FRMD4B: variants seen among roughly 807,000 people sequenced by gnomAD.
FRMD4B encodes the protein FERM domain-containing protein 4B.
FRMD4B carries 74 observed loss-of-function variants against 141.5 expected under a neutral mutation model. The ratio of observed to expected loss-of-function variants is 0.52; its 90% CI spans 0.43 to 0.63. The LOEUF is 0.63. Ranked by LOEUF, FRMD4B falls within the 30% of genes least tolerant of loss-of-function variation. The pLI is 0.00. For synonymous variants in FRMD4B, 506 were observed against 467.9 expected (o/e 1.08, Z -1.05); for missense variants, 1,366 against 1,253.4 (o/e 1.09, Z -1.36).
At chr3:69,421,514 A>G (rs1000797129) in intron 2 of FRMD4B, among the ~76,000 whole-genome samples, 4 of 152,288 alleles carry the variant, frequency 2.6e-5, no homozygotes, top group Admixed American at 1.3e-4. Context: ...GGAAGCCACA[A>G]TTCAGACTTT....
chr3:69,188,763 C>CAAAA lies in FRMD4B; in HGVS notation c.1772-850_1772-847dup, dbSNP rs11328404. 2.4e-3 allele frequency among the ~76,000 whole-genome samples: 159 copies of CAAAA among 66,834 alleles called. 1 individual carries two copies. Among genetic ancestry groups the CAAAA allele is most frequent in the African/African-American group, 8.4e-3 (149 of 17,706 alleles). 43.8% of individuals were successfully genotyped at this position (66,834 alleles called of 152,430 possible). A position where few individuals can be genotyped will look rare whatever the true frequency, so the allele number is the denominator to read the frequency against. On this transcript the variant is annotated intron_variant, in intron 18 of 22. Coordinates refer to ENST00000398540, the MANE Select transcript of FRMD4B (RefSeq NM_015123.3). ...TGGGCGACAGAGCGAGACTCCGTCT[C>CAAAA]AAAAAAAAAAAAAAAAAAAAACTTG...
chr3:69,298,947 C>T (rs1485436296), intron 4 of FRMD4B, among the ~76,000 whole-genome samples: 1 of 151,918 alleles, frequency 6.6e-6, no homozygotes, highest in Non-Finnish European at 1.5e-5. Flanking sequence ...TCTTCTACCA[C>T]TGCTATATTC....
At chr3:69,235,722 G>T (rs895573690) in intron 7 of FRMD4B, among the ~76,000 whole-genome samples, 24 of 151,988 alleles carry the variant, frequency 1.6e-4, no homozygotes, top group African/African-American at 5.6e-4. Context: ...CTCTTTCACT[G>T]GGTATTACCA....
In FRMD4B at chr3:69,169,101, CTA is replaced by C. The variant is rs978512364; in HGVS notation, c.*2758_*2759del. On this transcript the variant is annotated 3_prime_UTR_variant, in exon 23 of 23. Transcript: ENST00000398540. ...TCCAAACAAATATACAATAAATTAA[CTA>C]TTATATCTGAGAGTGTTCGGCTAAT... Among the ~76,000 whole-genome samples the C allele has an allele frequency of 2.3e-3, 22 of 9,636 alleles. No homozygotes were observed. The highest frequency in any genetic ancestry group is 2.6e-3 in the African/African-American group (21 of 8,130). 6.3% of individuals were successfully genotyped at this position (9,636 alleles called of 152,430 possible). A position where few individuals can be genotyped will look rare whatever the true frequency, so the allele number is the denominator to read the frequency against.
intron 9 of FRMD4B, among the ~76,000 whole-genome samples, chr3:69,220,631 C>T (rs1314290322): frequency 6.6e-6 from 1 of 152,132 alleles, no homozygotes. Flanking sequence ...TTGGGCAGAT[C>T]ATTTGAGGTC....
chr3:69,340,184 C>T (rs1702691588), intron 1 of FRMD4B, among the ~76,000 whole-genome samples: 1 of 151,508 alleles, frequency 6.6e-6, no homozygotes, highest in Admixed American at 6.6e-5. Flanking sequence ...AACTTTTAGG[C>T]TCAGGGGTAC....
chr3:69,294,839 G>C (rs1452144864), intron 4 of FRMD4B, among the ~76,000 whole-genome samples: 1 of 152,154 alleles, frequency 6.6e-6, no homozygotes, highest in Non-Finnish European at 1.5e-5. Context: ...CTTTGAGAGG[G>C]AGTGGGGAGG....
In FRMD4B at chr3:69,506,596, C is replaced by T. The variant is rs533632869; in HGVS notation, c.-129+35610G>A. ...TACCACCCAGGCTGGAGTGCACTGG[C>T]AACATCATTGCTCACTGCAGCCTCG... is the stretch of plus-strand genomic sequence containing the variant. On this transcript the variant is annotated intron_variant, in intron 1 of 5. Transcript: ENST00000459638. Among the ~76,000 whole-genome samples, 4 of 151,840 alleles carry T rather than the reference C, an allele frequency of 2.6e-5. No homozygotes were observed. In the East Asian group the frequency reaches 7.8e-4, roughly 29 times the overall value.
intron 5 of FRMD4B, among the ~76,000 whole-genome samples, chr3:69,277,480 A>ATATGTCTT (rs2093623020): frequency 7.4e-6 from 1 of 134,332 alleles, no homozygotes; most frequent in South Asian, 2.5e-4. Flanking sequence ...ATGATATGGT[A>ATATGTCTT]TATGTCTTGA....
chr3:69,500,685 GC>G (rs1037366365), intron 1 of FRMD4B, among the ~76,000 whole-genome samples: 1 of 151,820 alleles, frequency 6.6e-6, no homozygotes, highest in Non-Finnish European at 1.5e-5. Flanking sequence ...CACAGAGAAG[GC>G]CCCCCCACCC....
intron 18 of FRMD4B, among the ~76,000 whole-genome samples, chr3:69,189,222 C>CA (rs71115659): frequency 0.35 from 13,843 of 39,220 alleles, 2,490 homozygotes; most frequent in East Asian, 0.45. Context: ...AACTCCATCT[C>CA]AAAAAAAAAA....
At chr3:69,289,286 C>A (rs576849084) in intron 4 of FRMD4B, among the ~76,000 whole-genome samples, 12 of 152,322 alleles carry the variant, frequency 7.9e-5, no homozygotes, top group Non-Finnish European at 1.5e-4. Context: ...CTGTACTTAT[C>A]TCTGAGGAAA....
intron 1 of FRMD4B, among the ~76,000 whole-genome samples, chr3:69,498,277 G>A (rs1332476773): frequency 6.6e-6 from 1 of 152,166 alleles, no homozygotes; most frequent in East Asian, 1.9e-4. Flanking sequence ...TTTTGCTAAT[G>A]GGCGAAGTTT....
At chr3:69,177,856 G>C (rs796201707) in intron 21 of FRMD4B, among the ~76,000 whole-genome samples, 1 of 152,244 alleles carries the variant, frequency 6.6e-6, no homozygotes, top group Non-Finnish European at 1.5e-5. Context: ...CTCAGCCAAA[G>C]ACAACACTGG....
intron 7 of FRMD4B, among the ~76,000 whole-genome samples, chr3:69,248,147 T>A (rs1475950741): frequency 6.6e-6 from 1 of 150,540 alleles, no homozygotes; most frequent in African/African-American, 2.4e-5. Flanking sequence ...ATACTCTTGT[T>A]TTTTTTTTTA....
intron 1 of FRMD4B, among the ~76,000 whole-genome samples, chr3:69,515,457 C>T (rs1347285735): frequency 6.6e-6 from 1 of 152,158 alleles, no homozygotes; most frequent in African/African-American, 2.4e-5. Context: ...TGTCTATTCT[C>T]CCCAATTTAT....
At chr3:69,442,062 A>G (rs1041726590) in intron 1 of FRMD4B, among the ~76,000 whole-genome samples, 3 of 151,816 alleles carry the variant, frequency 2.0e-5, no homozygotes, top group Non-Finnish European at 2.9e-5. Flanking sequence ...TCTATCTCAG[A>G]TTACACAATC....
At chr3:69,241,923 G>A (rs1290890915) in intron 7 of FRMD4B, among the ~76,000 whole-genome samples, 1 of 151,824 alleles carries the variant, frequency 6.6e-6, no homozygotes, top group Admixed American at 6.6e-5. Context: ...AACAAAAAAG[G>A]AAACCTCTAA....
At chr3:69,326,081 T>A (rs1702180659) in intron 1 of FRMD4B, among the ~76,000 whole-genome samples, 1 of 151,428 alleles carries the variant, frequency 6.6e-6, no homozygotes, top group Non-Finnish European at 1.5e-5. Flanking sequence ...CCCAAGTAAA[T>A]GGAACTACAG....
Sources: allele counts gnomAD v4.1 joint callset (sites outside exome capture counted in the v4.1 genomes callset), GRCh38; gene constraint gnomAD v4.1.1; transcripts MANE v1.5; gene names NCBI Gene and HGNC (gene_info 2026-07-23, HGNC 2026-07-21).